RTF1: variants seen among roughly 807,000 people sequenced by gnomAD.
RTF1 encodes RTF1 homolog, Paf1/RNA polymerase II complex component.
A neutral mutation model predicts 95.7 loss-of-function variants in RTF1; 10 were observed. The observed-to-expected ratio is 0.10, with a 90% CI of 0.06 to 0.18. The LOEUF (loss-of-function observed/expected upper bound fraction) is 0.18, where lower values mean the gene tolerates loss of function less well. Among genes scored for constraint, RTF1 ranks in the 10% least tolerant of loss-of-function variants. The probability of loss-of-function intolerance (pLI) is 1.00; values close to 1 mark genes in which losing one functional copy is unlikely to be tolerated. For synonymous variants in RTF1, 305 were observed against 311.8 expected, an observed-to-expected ratio of 0.98 and a Z score of 0.23; for missense variants, 458 against 875.6, an observed-to-expected ratio of 0.52 and a Z score of 6.02.
At chr15:41,421,167 T>C (rs2050598451) in intron 1 of RTF1, among the ~76,000 whole-genome samples, 1 of 151,906 alleles carries the variant, frequency 6.6e-6, no homozygotes, top group African/African-American at 2.4e-5. Flanking sequence ...ACAAAGACTT[T>C]AAAAATTGGC....
At chr15:41,439,270 G>A (rs1303710904) in intron 2 of RTF1, among the ~76,000 whole-genome samples, 3 of 151,716 alleles carry the variant, frequency 2.0e-5, no homozygotes, top group African/African-American at 7.3e-5. Context: ...TCCTGACCTC[G>A]TGATCCACCC....
intron 2 of RTF1, among the ~76,000 whole-genome samples, chr15:41,450,890 G>T (rs1347415134): frequency 6.6e-6 from 1 of 151,918 alleles, no homozygotes; most frequent in African/African-American, 2.4e-5. Context: ...GGTCAAGGCT[G>T]CAGTGAGCTA....
intron 6 of RTF1, among the ~76,000 whole-genome samples, chr15:41,467,055 G>A (rs1384352076): frequency 2.6e-5 from 4 of 152,260 alleles, no homozygotes; most frequent in African/African-American, 9.6e-5. Flanking sequence ...CTCTCAGTTT[G>A]TGATGTTAAC....
intron 1 of RTF1, among the ~76,000 whole-genome samples, chr15:41,429,083 G>T (rs2050654777): frequency 6.6e-6 from 1 of 151,954 alleles, no homozygotes; most frequent in Admixed American, 6.6e-5. Context: ...GTCTCCCTGT[G>T]TTGCCCATGC....
chr15:41,455,229 G>A (rs2050806936), intron 3 of RTF1, among the ~76,000 whole-genome samples: 1 of 151,270 alleles, frequency 6.6e-6, no homozygotes, highest in African/African-American at 2.4e-5. Context: ...CAGGAGAATC[G>A]CTTGAACCAG....
At chr15:41,466,072 T>G in intron 5 of RTF1, 69 bp from the exon 6 acceptor site, 1 of 1,050,536 alleles carries the variant, frequency 9.5e-7, no homozygotes, top group East Asian at 2.8e-5. Flanking sequence ...CTAAATGCAT[T>G]AAGTAGGTTT....
At chr15:41,434,178 C>A (rs1033736155) in intron 1 of RTF1, among the ~76,000 whole-genome samples, 4 of 143,424 alleles carry the variant, frequency 2.8e-5, no homozygotes, top group African/African-American at 1.0e-4. Flanking sequence ...AAGATGAGGT[C>A]ATGCTATGTT....
At chr15:41,435,908 CAGTT>C (rs148664042) in intron 1 of RTF1, among the ~76,000 whole-genome samples, 222 of 152,264 alleles carry the variant, frequency 1.5e-3, no homozygotes, top group African/African-American at 5.1e-3. Context: ...AGCCATGACT[CAGTT>C]AGGAGCCAGG....
In RTF1 at chr15:41,470,405, A is replaced by T. The variant is rs766582549; in HGVS notation, c.1025+13A>T. The T allele has an allele frequency of 1.2e-6, 2 of 1,613,662 alleles. No homozygotes were observed. The highest frequency in any genetic ancestry group is 1.7e-6 in the Non-Finnish European group (2 of 1,179,772). On this transcript the variant is annotated intron_variant, in intron 7 of 17. Transcript: ENST00000389629. Reference sequence around the variant, plus strand: ...ATGAAGAAGAGGAGTAAGCTCTTGTACATTTTGGTCTAGTAGGCAGGATAG... The same window carrying T: ...ATGAAGAAGAGGAGTAAGCTCTTGTTCATTTTGGTCTAGTAGGCAGGATAG...
chr15:41,476,587 C>A, intron 12 of RTF1, 64 bp downstream of exon 12: 1 of 1,415,376 alleles, frequency 7.1e-7, no homozygotes, highest in Non-Finnish European at 1.0e-6. Flanking sequence ...CAAACTTGTT[C>A]ATCCTCTGCC....
At chr15:41,418,784 CAAAAAAAAAAA>C (rs753790136) in intron 1 of RTF1, among the ~76,000 whole-genome samples, 1 of 52,854 alleles carries the variant, frequency 1.9e-5, no homozygotes, top group African/African-American at 6.3e-5. Flanking sequence ...AACTCCATCA[CAAAAAAAAAAA>C]AAAAAAGAAA....
intron 3 of RTF1, among the ~76,000 whole-genome samples, chr15:41,454,393 A>G (rs2050802719): frequency 6.6e-6 from 1 of 152,044 alleles, no homozygotes; most frequent in African/African-American, 2.4e-5. Flanking sequence ...ACCCGGCCAT[A>G]AAAAAATTTT....
chr15:41,432,639 A>T (rs972627284), intron 1 of RTF1, among the ~76,000 whole-genome samples: 1 of 152,082 alleles, frequency 6.6e-6, no homozygotes, highest in African/African-American at 2.4e-5. Flanking sequence ...ACGAATTGGT[A>T]TTAAAACAGG....
intron 4 of RTF1, among the ~76,000 whole-genome samples, chr15:41,459,388 G>A (rs1329418292): frequency 6.6e-6 from 1 of 152,058 alleles, no homozygotes; most frequent in African/African-American, 2.4e-5. Context: ...AAAAAAGGGA[G>A]GGGAATTATA....
chr15:41,470,650 CTTTTTTTTTTTTT>C (rs58221683), intron 7 of RTF1, among the ~76,000 whole-genome samples: 4 of 75,442 alleles, frequency 5.3e-5, no homozygotes, highest in African/African-American at 1.5e-4. Context: ...CATTCATTTT[CTTTTTTTTTTTTT>C]TTTTTTTTTT....
At position 41,482,420 on chromosome 15, in the gene RTF1, CAAGG is replaced by C. The variant is rs1165494969; in HGVS notation, c.*1738_*1741del. 1 of 152,476 alleles carries C rather than the reference CAAGG, an allele frequency of 6.6e-6. No individual in the cohort carries two copies. The highest frequency in any genetic ancestry group is 2.4e-5 in the African/African-American group (1 of 41,414). 9.4% of individuals were successfully genotyped at this position (152,476 alleles called of 1,614,324 possible). Reference sequence around the variant, plus strand: ...TGTACTTCCTCACCCTGCTTTCGTACAAGGAAGGGGGACGATGGGAAATCATGGA... The same window carrying C: ...TGTACTTCCTCACCCTGCTTTCGTACAAGGGGGACGATGGGAAATCATGGA... On this transcript the variant is annotated 3_prime_UTR_variant, in exon 18 of 18. Coordinates refer to ENST00000389629, the MANE Select transcript of RTF1 (RefSeq NM_015138.5).
At chr15:41,475,848 A>C (rs941848454) in intron 11 of RTF1, 29 bp downstream of exon 11, 1 of 1,136,848 alleles carries the variant, frequency 8.8e-7, no homozygotes, top group East Asian at 2.4e-5. Context: ...CAGAACCCGG[A>C]GGTTCATCAA....
In RTF1 at chr15:41,467,891, A is replaced by G. The variant is rs138364744; in HGVS notation, c.889+1639A>G. ...AATAATAAAATTAGCCAGGCCAGGCACGGTGGCTCACACCTGTAATCCCAG... is the reference window on the plus strand; with the variant it reads ...AATAATAAAATTAGCCAGGCCAGGCGCGGTGGCTCACACCTGTAATCCCAG... On this transcript the variant is annotated intron_variant, in intron 6 of 17. Coordinates refer to ENST00000389629, the MANE Select transcript of RTF1 (RefSeq NM_015138.5). 7.5e-3 allele frequency among the ~76,000 whole-genome samples: 1,139 copies of G among 152,006 alleles called. 19 individuals are homozygous for G. Among genetic ancestry groups the G allele is most frequent in the African/African-American group, 0.026 (1,075 of 41,486 alleles).
Position 41,477,223 on chromosome 15 carries a change from A to T in RTF1, c.1619A>T (p.Asn540Ile). ...DKAKQIQDQL[N>I]ELEERAEALD... ...GCCAAACAAATCCAAGATCAACTGA[A>T]TGAGCTGGAGGAACGGGCAGAGGCC... is the stretch of plus-strand genomic sequence containing the variant. The change falls in exon 13 of 18, where the codon AAT becomes ATT. Residue 540 changes from asparagine to isoleucine, a missense_variant. By Grantham distance (149) the Asn-to-Ile change is moderately radical. Transcript: ENST00000389629. 1.9e-6 allele frequency: 3 copies of T among 1,614,264 alleles called. No individual in the cohort carries two copies. Among genetic ancestry groups the T allele is most frequent in the Non-Finnish European group, 8.5e-7 (1 of 1,180,048 alleles).
Sources: gnomAD v4.1 joint callset for allele counts (sites outside exome capture counted in the v4.1 genomes callset) on GRCh38, gnomAD v4.1.1 for gene constraint, MANE v1.5 for transcripts, NCBI Gene and HGNC (gene_info 2026-07-23, HGNC 2026-07-21) for gene names.